The following WDR33 variants were observed in gnomAD, a reference collection of about 807,000 sequenced individuals.
WDR33 encodes the protein WD repeat domain 33.
Under a neutral mutation model 164.9 loss-of-function variants are expected in WDR33, and 47 were observed. The observed-to-expected ratio is 0.29, with a 90% confidence interval of 0.23 to 0.36. WDR33 has a LOEUF of 0.36. Among genes scored for constraint, WDR33 ranks in the 10% least tolerant of loss-of-function variants. The probability of loss-of-function intolerance (pLI) is 1.00; values close to 1 mark genes in which losing one functional copy is unlikely to be tolerated. For missense variants in WDR33, 1,137 were observed against 1,754.1 expected, an observed-to-expected ratio of 0.65 and a Z score of 6.28; for synonymous variants, 505 against 589.0, an observed-to-expected ratio of 0.86 and a Z score of 2.06.
intron 1 of WDR33, among the ~76,000 whole-genome samples, chr2:127,795,102 C>CTTTTT (rs552910693): frequency 0.12 from 15,613 of 130,824 alleles, 1,474 homozygotes; most frequent in African/African-American, 0.22. Context: ...AATAACTTCT[C>CTTTTT]TTTTTTTTTT....
In WDR33 at chr2:127,740,338, TATTTC is replaced by T. The variant is rs768717106; in HGVS notation, c.725-13566_725-13562del. Among the ~76,000 whole-genome samples, 300 of 138,884 alleles carry T rather than the reference TATTTC, an allele frequency of 2.2e-3. 1 individual carries two copies. The highest frequency in any genetic ancestry group is 3.8e-3 in the Non-Finnish European group (241 of 64,262). 91.1% of individuals were successfully genotyped at this position (138,884 alleles called of 152,430 possible). Reference sequence around the variant, plus strand: ...ATCCCAGCACTTTGGGAGGGATTTGTATTTCTCTACACACACACACACACACACAC... The same window carrying T: ...ATCCCAGCACTTTGGGAGGGATTTGTTCTACACACACACACACACACACAC... On this transcript the variant is annotated intron_variant, in intron 7 of 21. Coordinates refer to ENST00000322313, the MANE Select transcript of WDR33 (RefSeq NM_018383.5).
chr2:127,788,391 C>A (rs1260506635), intron 1 of WDR33, among the ~76,000 whole-genome samples: 3 of 122,500 alleles, frequency 2.4e-5, no homozygotes, highest in East Asian at 2.6e-4. Flanking sequence ...CGCTCCTCAC[C>A]TCCCGGACGG....
chr2:127,774,601 TG>T (rs987100568), intron 1 of WDR33, among the ~76,000 whole-genome samples: 7 of 152,048 alleles, frequency 4.6e-5, no homozygotes, highest in Admixed American at 2.0e-4. Context: ...AGGCCCAGGC[TG>T]GCGGATCACA....
rs901137982 is a variant in WDR33, at chr2:127,729,899, G to C, written c.725-3122C>G. Among the ~76,000 whole-genome samples the C allele has an allele frequency of 3.9e-5, 6 of 152,050 alleles. No individual in the cohort carries two copies. The South Asian group carries it at 1.2e-3, about 32-fold the overall frequency. ...CAAATAATGAAATAAAGTTACTTAA[G>C]AAAATATATGAAAAAAGTATGTGTA... On this transcript the variant is annotated intron_variant, in intron 7 of 21. Transcript: ENST00000322313.
chr2:127,740,978 G>C (rs904959508), intron 7 of WDR33, among the ~76,000 whole-genome samples: 11 of 152,296 alleles, frequency 7.2e-5, no homozygotes, highest in African/African-American at 2.6e-4. Context: ...AACCAGAGTA[G>C]AGAAAAATGA....
At position 127,708,993 on chromosome 2, in the gene WDR33, C is replaced by T. The variant is rs548295693; in HGVS notation, c.3566-101G>A. 53 of 1,293,752 alleles carry T rather than the reference C, an allele frequency of 4.1e-5. No individual in the cohort carries two copies. In the African/African-American group the frequency reaches 7.1e-4, roughly 17 times the overall value. 80.1% of individuals were successfully genotyped at this position (1,293,752 alleles called of 1,614,324 possible). On this transcript the variant is annotated intron_variant, in intron 20 of 21. Transcript: ENST00000322313. This position sits in a 1 kb window ranked among gnomAD's most constrained non-coding sequence, Gnocchi z 6.7. ...AAGGAGCAACTCGAGAGCCACCGTT[C>T]ACTCATGCTGAATGCCCGCCAGAGG...
In WDR33 at chr2:127,708,608, A is replaced by T. The variant is rs1484913844; in HGVS notation, c.3781+69T>A. 6.8e-7 allele frequency: 1 copy of T among 1,481,118 alleles called. No homozygotes were observed. The highest frequency in any genetic ancestry group is 9.1e-7 in the Non-Finnish European group (1 of 1,100,574). 91.7% of individuals were successfully genotyped at this position (1,481,118 alleles called of 1,614,324 possible). On this transcript the variant is annotated intron_variant, in intron 21 of 21. Coordinates refer to ENST00000322313, the MANE Select transcript of WDR33 (RefSeq NM_018383.5). The surrounding 1 kb of genome is among the most constrained non-coding windows in gnomAD (Gnocchi z 6.7). Reference sequence around the variant, plus strand: ...CAGCCCAGGCTGCAAGGGCATGTGCAGCAGATACAGGCAAGGCCTCCATCG... The same window carrying T: ...CAGCCCAGGCTGCAAGGGCATGTGCTGCAGATACAGGCAAGGCCTCCATCG...
At chr2:127,805,068 CTTTTTTTTT>C (rs201681607) in intron 1 of WDR33, among the ~76,000 whole-genome samples, 12 of 84,420 alleles carry the variant, frequency 1.4e-4, no homozygotes, top group Middle Eastern at 8.1e-3. Context: ...GAAGTTTTTT[CTTTTTTTTT>C]TTTTTTTTTT....
At position 127,724,337 on chromosome 2, in the gene WDR33, T is replaced by C. The variant is rs1558925109; in HGVS notation, c.1192A>G (p.Thr398Ala). 6.2e-7 allele frequency: 1 copy of C among 1,613,580 alleles called. No individual in the cohort carries two copies. ...CTATTTCAATATAAAGCTTACCTAG[T>C]ATGGTCATTTGAGCCTGAGCAGAGA... ...HILCSGSNDH[T>A]SKFWTRNRPG... Residue 398 changes from threonine (T) to alanine (A), a missense_variant, in exon 11 of 22, where the codon ACT becomes GCT. By Grantham distance (58) the Thr-to-Ala change is moderately conservative. This residue lies in a region of WDR33 where 21 missense variants were observed against 102.2 expected (regional missense o/e 0.21). Coordinates refer to ENST00000322313, the MANE Select transcript of WDR33 (RefSeq NM_018383.5). This position sits in a 1 kb window ranked among gnomAD's most constrained non-coding sequence, Gnocchi z 4.8.
At chr2:127,752,357 G>A (rs1447542369) in intron 7 of WDR33, among the ~76,000 whole-genome samples, 1 of 151,940 alleles carries the variant, frequency 6.6e-6, no homozygotes, top group Non-Finnish European at 1.5e-5. Flanking sequence ...TTGGGAGGCC[G>A]AGGCGGGTGG....
chr2:127,790,593 C>T (rs961998929), intron 1 of WDR33, among the ~76,000 whole-genome samples: 2 of 152,138 alleles, frequency 1.3e-5, no homozygotes, highest in Non-Finnish European at 2.9e-5. Flanking sequence ...AAATTCAATT[C>T]ATTTAACTAT....
At chr2:127,809,168 C>T (rs1358918297) in intron 1 of WDR33, among the ~76,000 whole-genome samples, 1 of 151,862 alleles carries the variant, frequency 6.6e-6, no homozygotes, top group Non-Finnish European at 1.5e-5. Flanking sequence ...GTTCAAACTT[C>T]AGCCATAATC....
chr2:127,725,735 AAAT>A (rs56352036), intron 8 of WDR33, among the ~76,000 whole-genome samples: 36,594 of 140,784 alleles, frequency 0.26, 5,108 homozygotes, highest in East Asian at 0.45. Context: ...CTCTGTCTCA[AAAT>A]AATAATAATA....
intron 1 of WDR33, among the ~76,000 whole-genome samples, chr2:127,787,239 A>C (rs1285737373): frequency 9.6e-6 from 1 of 104,078 alleles, no homozygotes; most frequent in Non-Finnish European, 1.9e-5. Context: ...CAAAATGAAA[A>C]GTCTCCCATG....
intron 1 of WDR33, among the ~76,000 whole-genome samples, chr2:127,784,481 T>C (rs960069737): frequency 6.6e-6 from 1 of 152,134 alleles, no homozygotes; most frequent in African/African-American, 2.4e-5. Context: ...CCATGTAGGC[T>C]CAGGTCATCT....
At chr2:127,787,408 G>A (rs1204745198) in intron 1 of WDR33, among the ~76,000 whole-genome samples, 2 of 126,460 alleles carry the variant, frequency 1.6e-5, no homozygotes, top group African/African-American at 7.2e-5. Flanking sequence ...CGGGCAGAGG[G>A]GCTCCTCACT....
intron 7 of WDR33, among the ~76,000 whole-genome samples, chr2:127,757,846 C>A (rs1573922027): frequency 6.6e-6 from 1 of 152,234 alleles, no homozygotes; most frequent in African/African-American, 2.4e-5. Context: ...CAAAAACACA[C>A]TGCCAAACGA....
chr2:127,768,885 C>G, intron 3 of WDR33, 48 bp downstream of exon 3: 1 of 1,440,246 alleles, frequency 6.9e-7, no homozygotes, highest in African/African-American at 1.4e-5. Context: ...CTAAAATATT[C>G]AAGCAAGGAA....
At chr2:127,792,794 A>G (rs1688886921) in intron 1 of WDR33, among the ~76,000 whole-genome samples, 1 of 152,244 alleles carries the variant, frequency 6.6e-6, no homozygotes, top group African/African-American at 2.4e-5. Flanking sequence ...TAAATGATCA[A>G]GCTATACTTT....
Sources: allele counts gnomAD v4.1 joint callset (sites outside exome capture counted in the v4.1 genomes callset), GRCh38; gene constraint gnomAD v4.1.1; regional missense constraint gnomAD v4.1.1; non-coding constraint Gnocchi (gnomAD v3.1); transcripts MANE v1.5; gene names NCBI Gene and HGNC (gene_info 2026-07-23, HGNC 2026-07-21).